CDH23: variants seen among roughly 807,000 people sequenced by gnomAD.
CDH23 encodes the protein cadherin-23.
A neutral mutation model predicts 317.1 loss-of-function variants in CDH23; 189 were observed. The observed-to-expected ratio is 0.60, with a 90% CI of 0.53 to 0.67. The LOEUF (loss-of-function observed/expected upper bound fraction) is 0.67. Among genes scored for constraint, CDH23 ranks in the 30% least tolerant of loss-of-function variants. CDH23 has a pLI of 0.00. For synonymous variants in CDH23, 1,839 were observed against 1,876.8 expected (o/e 0.98, Z 0.52); for missense variants, 4,401 against 4,592.4 (o/e 0.96, Z 1.20).
chr10:71,679,560 C>G, intron 17 of CDH23, 68 bp downstream of exon 17: 1 of 1,232,192 alleles, frequency 8.1e-7, no homozygotes, highest in Non-Finnish European at 1.2e-6. Context: ...ACTCACACCT[C>G]CCTTGTGGGG....
chr10:71,760,924 C>T, intron 38 of CDH23: 1 of 1,613,792 alleles, frequency 6.2e-7, no homozygotes. Flanking sequence ...TGCATCTTTG[C>T]CTGTGGGAAC....
At chr10:71,507,965 C>T (rs75500905) in intron 3 of CDH23, among the ~76,000 whole-genome samples, 2,508 of 152,252 alleles carry the variant, frequency 0.016, 56 homozygotes, top group African/African-American at 0.053. Context: ...TTTCCAACTC[C>T]GAAATGGGAG....
chr10:71,491,062 C>G lies in CDH23; in HGVS notation c.146-19020C>G, dbSNP rs140229697. ...GGGCTGTAACCAGTCTTGGCTCCCC[C>G]ACCAACCTGGGTGCCATTCCAGGTA... On this transcript the variant is annotated intron_variant, in intron 3 of 69. Transcript: ENST00000224721. Among the ~76,000 whole-genome samples the G allele has an allele frequency of 2.5e-3, 379 of 152,316 alleles. 2 individuals are homozygous for G. Among genetic ancestry groups the G allele is most frequent in the African/African-American group, 8.5e-3 (354 of 41,574 alleles).
In CDH23 at chr10:71,800,616, A is replaced by G; in HGVS notation, c.7363-20A>G. ...TCTTTTGAATGATTGAAGGACCTAA[A>G]GCCACCCTCCCCCTACTAGGGTGAC... is the stretch of plus-strand genomic sequence containing the variant. On this transcript the variant is annotated intron_variant, in intron 52 of 69. Transcript: ENST00000224721. The G allele has an allele frequency of 1.2e-6, 2 of 1,612,486 alleles. No individual in the cohort carries two copies.
At position 71,809,952 on chromosome 10, in the gene CDH23, G is replaced by C; in HGVS notation, c.8855G>C (p.Arg2952Thr). 3.1e-6 allele frequency: 5 copies of C among 1,612,456 alleles called. No homozygotes were observed. Among genetic ancestry groups the C allele is most frequent in the Non-Finnish European group, 4.2e-6 (5 of 1,179,884 alleles). Residue 2952 changes from arginine to threonine, a missense_variant, in exon 61 of 70, where the codon AGG becomes ACG. By Grantham distance (71) the Arg-to-Thr change is moderately conservative (BLOSUM62 -1). Around this residue, in one of 3 missense-constraint regions of CDH23, gnomAD observed 1,144 missense variants for 1,138.2 expected, o/e 1.01. Transcript: ENST00000224721. Reference protein sequence around the residue: ...DTAIIGIYILRDDQRVKIVIN... With the variant: ...DTAIIGIYILTDDQRVKIVIN... ...GCCATCATCGGCATCTACATCCTGA[G>C]GGACGACCAGCGCGTCAAGATCGTC...
At chr10:71,472,565 A>G (rs551504251) in intron 3 of CDH23, among the ~76,000 whole-genome samples, 1 of 152,348 alleles carries the variant, frequency 6.6e-6, no homozygotes, top group African/African-American at 2.4e-5. Context: ...TCACTTGTCC[A>G]GGAAATGCCT....
At chr10:71,622,643 T>C (rs1172032518) in intron 11 of CDH23, among the ~76,000 whole-genome samples, 1 of 152,190 alleles carries the variant, frequency 6.6e-6, no homozygotes, top group Non-Finnish European at 1.5e-5. Context: ...CCCAGATAGC[T>C]GAAAACTGAC....
intron 32 of CDH23, among the ~76,000 whole-genome samples, chr10:71,732,906 G>A (rs1014295871): frequency 5.3e-5 from 8 of 152,220 alleles, no homozygotes; most frequent in South Asian, 2.1e-4. Context: ...TGGAGTTAGC[G>A]TCAGATCCCA....
At chr10:71,707,105 C>G in intron 26 of CDH23, 56 bp downstream of exon 26, 7 of 1,566,662 alleles carry the variant, frequency 4.5e-6, no homozygotes, top group Non-Finnish European at 5.2e-6. Flanking sequence ...TGCCTCCACC[C>G]CTCCCAGATG....
chr10:71,510,131 G>C lies in CDH23; in HGVS notation c.195G>C (p.Leu65=). 2 of 1,614,018 alleles carry C rather than the reference G, an allele frequency of 1.2e-6. No homozygotes were observed. ...LLAQDMDNDP[L]VFGVSGEEAS... ...CCCAAGACATGGACAATGACCCCCT[G>C]GTGTTTGGCGTGTCTGGGGAGGAGG... The change falls in exon 4 of 70, where the codon CTG becomes CTC. Residue 65 remains leucine, a synonymous_variant. Coordinates refer to ENST00000224721, the MANE Select transcript of CDH23 (RefSeq NM_022124.6).
In CDH23 at chr10:71,688,224, G is replaced by T. The variant is rs139444555; in HGVS notation, c.2059+505G>T. On this transcript the variant is annotated intron_variant, in intron 19 of 69. Coordinates refer to ENST00000224721, the MANE Select transcript of CDH23 (RefSeq NM_022124.6). ...CCAGCACCACCAGCTCCACACTCAG[G>T]TTCCAGGGGATCTGTTCTGCCCTTG... Among the ~76,000 whole-genome samples the T allele has an allele frequency of 3.5e-4, 54 of 152,348 alleles. No homozygotes were observed. The East Asian group carries it at 8.5e-3, about 24-fold the overall frequency.
intron 9 of CDH23, among the ~76,000 whole-genome samples, chr10:71,613,133 G>A (rs903718418): frequency 6.6e-6 from 1 of 152,246 alleles, no homozygotes; most frequent in Non-Finnish European, 1.5e-5. Context: ...ACAGGCATGA[G>A]CCACCGCGCC....
rs1023284898 is a variant in CDH23 at position 71,566,830 on chromosome 10, C to T, written c.518C>T (p.Pro173Leu). The T allele has an allele frequency of 1.9e-6, 3 of 1,613,864 alleles. No homozygotes were observed. The highest frequency in any genetic ancestry group is 2.7e-5 in the African/African-American group (2 of 74,924). The change falls in exon 7 of 70, where the codon CCC becomes CTC. Residue 173 changes from proline to leucine, a missense_variant. By Grantham distance (98) the Pro-to-Leu change is moderately conservative. Transcript: ENST00000224721. ...GGCAGCGTCCTCTACTCCTTCCAGC[C>T]CCCCTCCCAATTCTTCGCCATTGAC... The part of the protein sequence containing the change: ...AGGSVLYSFQ[P>L]PSQFFAIDSA...
intron 32 of CDH23, 145 bp downstream of exon 32, chr10:71,732,520 T>G (rs993682226): frequency 6.0e-6 from 8 of 1,338,702 alleles, no homozygotes; most frequent in Non-Finnish European, 8.1e-6. Flanking sequence ...TAGTCCCAGC[T>G]GCTTGAGAGG....
Position 71,784,920 on chromosome 10 carries a change from CA to C in CDH23, c.5534del (p.Asn1845ThrfsTer8). On this transcript the variant is annotated frameshift_variant, in exon 43 of 70. Coordinates refer to ENST00000224721, the MANE Select transcript of CDH23 (RefSeq NM_022124.6). LOFTEE classifies it high-confidence loss of function. ...MLVGIRVLDI[N>X]DNDPVLLNLP... ...TGGTGGGGATCCGGGTGCTGGACAT[CA>C]ACGACAACGACCCTGTGCTGCTGAA... 1.2e-6 allele frequency: 2 copies of C among 1,614,008 alleles called. No homozygotes were observed. Among genetic ancestry groups the C allele is most frequent in the Non-Finnish European group, 1.7e-6 (2 of 1,179,868 alleles).
chr10:71,604,106 G>A (rs967049387), intron 9 of CDH23, among the ~76,000 whole-genome samples: 14 of 152,082 alleles, frequency 9.2e-5, no homozygotes, highest in Non-Finnish European at 1.5e-5. Context: ...TTTCTCACCT[G>A]TAAAATGGGA....
At chr10:71,440,079 G>A in intron 2 of CDH23, among the ~76,000 whole-genome samples, 181 bp downstream of exon 2, 1 of 152,298 alleles carries the variant, frequency 6.6e-6, no homozygotes, top group Non-Finnish European at 1.5e-5. Flanking sequence ...AGCTCTCACA[G>A]GGCTGAAAAT....
chr10:71,613,061 C>G (rs1860996599), intron 9 of CDH23, among the ~76,000 whole-genome samples: 1 of 152,184 alleles, frequency 6.6e-6, no homozygotes, highest in Non-Finnish European at 1.5e-5. Context: ...GTTGGCCAGG[C>G]TGGTCTTGAA....
chr10:71,494,652 T>C (rs1411362304), intron 3 of CDH23, among the ~76,000 whole-genome samples: 1 of 152,204 alleles, frequency 6.6e-6, no homozygotes, highest in Non-Finnish European at 1.5e-5. Flanking sequence ...GGGACTGCGG[T>C]GAAGCAAGCT....
Sources: gnomAD v4.1 joint callset for allele counts (sites outside exome capture counted in the v4.1 genomes callset) on GRCh38, gnomAD v4.1.1 for gene constraint, gnomAD v4.1.1 regional missense constraint, MANE v1.5 for transcripts, NCBI Gene and HGNC (gene_info 2026-07-23, HGNC 2026-07-21) for gene names.